SAMD3: variants seen among roughly 807,000 people sequenced by gnomAD.
SAMD3 encodes the protein sterile alpha motif domain containing 3, also known as sterile alpha motif domain-containing protein 3.
SAMD3 carries 63 observed loss-of-function variants against 58.5 expected under a neutral mutation model. The observed-to-expected ratio is 1.08, with a 90% CI of 0.88 to 1.33. SAMD3 has a LOEUF of 1.33. Among genes scored for constraint, SAMD3 ranks in the 40% most tolerant of loss-of-function variants. SAMD3 has a pLI of 0.00. For synonymous variants in SAMD3, 220 were observed against 210.3 expected (o/e 1.05, Z -0.40); for missense variants, 604 against 608.4 (o/e 0.99, Z 0.08).
intron 2 of SAMD3, among the ~76,000 whole-genome samples, chr6:130,279,964 C>A (rs1774925375): frequency 6.6e-6 from 1 of 152,134 alleles, no homozygotes; most frequent in Admixed American, 6.6e-5. Context: ...ATTTTTATTT[C>A]TTTCTCCCCT....
chr6:130,182,446 T>G (rs184064661), intron 7 of SAMD3, among the ~76,000 whole-genome samples: 11 of 152,234 alleles, frequency 7.2e-5, no homozygotes, highest in African/African-American at 2.6e-4. Flanking sequence ...AAAAAAACCT[T>G]TAATTACCTC....
intron 2 of SAMD3, among the ~76,000 whole-genome samples, chr6:130,272,203 T>C (rs1478569): frequency 0.31 from 47,052 of 151,886 alleles, 7,617 homozygotes; most frequent in East Asian, 0.47. Flanking sequence ...ATTTTTCAAA[T>C]GGCTGACCAT....
chr6:130,194,379 C>T (rs1414161638), intron 5 of SAMD3, among the ~76,000 whole-genome samples: 5 of 152,166 alleles, frequency 3.3e-5, no homozygotes, highest in African/African-American at 1.2e-4. Flanking sequence ...ATTTTATTAC[C>T]CAATCTGCTC....
intron 2 of SAMD3, among the ~76,000 whole-genome samples, chr6:130,303,117 C>T (rs146100448): frequency 1.0e-3 from 155 of 152,232 alleles, no homozygotes; most frequent in African/African-American, 3.6e-3. Context: ...CGACTGTGTG[C>T]CTGCCCTGGG....
chr6:130,167,745 C>G (rs769855090), intron 8 of SAMD3, among the ~76,000 whole-genome samples: 2 of 152,200 alleles, frequency 1.3e-5, no homozygotes, highest in Non-Finnish European at 2.9e-5. Context: ...GATGGCACAG[C>G]TGCTGCATTG....
rs146747794 is a variant in SAMD3 at position 130,260,380 on chromosome 6, C to G, written c.-187-37567G>C. 5.0e-3 allele frequency among the ~76,000 whole-genome samples: 758 copies of G among 152,316 alleles called. 8 individuals carry two copies. Among genetic ancestry groups the G allele is most frequent in the African/African-American group, 0.016 (645 of 41,570 alleles). ...ACTTCCTGGTCTGTTCTGTTTCACT[C>G]TGACCACCAGTGCATGCAGCCCCTG... On this transcript the variant is annotated intron_variant, in intron 2 of 13. Coordinates refer to the SAMD3 transcript ENST00000368134.
chr6:130,247,641 C>T (rs537412312), intron 2 of SAMD3, among the ~76,000 whole-genome samples: 85 of 152,136 alleles, frequency 5.6e-4, no homozygotes, highest in African/African-American at 1.9e-3. Flanking sequence ...CAGTGAACTA[C>T]CAAAATTTTG....
At chr6:130,266,434 A>G (rs988229860) in intron 2 of SAMD3, among the ~76,000 whole-genome samples, 3 of 152,168 alleles carry the variant, frequency 2.0e-5, no homozygotes, top group Admixed American at 6.5e-5. Context: ...TGTAGGTCCT[A>G]AAAGCCTCAA....
intron 2 of SAMD3, chr6:130,215,597 A>G (rs1795958336): frequency 3.7e-6 from 5 of 1,364,522 alleles, no homozygotes; most frequent in South Asian, 2.0e-5. Context: ...GGGACATACA[A>G]TGGTACCCAA....
At chr6:130,316,227 G>A (rs890923428) in intron 1 of SAMD3, among the ~76,000 whole-genome samples, 4 of 149,934 alleles carry the variant, frequency 2.7e-5, no homozygotes, top group African/African-American at 7.4e-5. Flanking sequence ...GGAGGCGGAG[G>A]TTGCAGTGAG....
chr6:130,264,144 A>G (rs1366815576), intron 2 of SAMD3, among the ~76,000 whole-genome samples: 14 of 152,072 alleles, frequency 9.2e-5, no homozygotes, highest in Non-Finnish European at 1.5e-5. Flanking sequence ...TCCCCCTCCC[A>G]CTAAGGTGGT....
chr6:130,250,391 T>C (rs1028055078), intron 2 of SAMD3, among the ~76,000 whole-genome samples: 56 of 152,160 alleles, frequency 3.7e-4, no homozygotes, highest in African/African-American at 1.3e-3. Context: ...CAGTTATGCC[T>C]ACTAAATAGT....
At chr6:130,265,580 T>C (rs2114928852) in intron 2 of SAMD3, among the ~76,000 whole-genome samples, 1 of 152,260 alleles carries the variant, frequency 6.6e-6, no homozygotes, top group African/African-American at 2.4e-5. Flanking sequence ...ATTATAAGTG[T>C]ACTGGAACCC....
intron 2 of SAMD3, among the ~76,000 whole-genome samples, chr6:130,305,754 A>T (rs73609166): frequency 0.02 from 2,972 of 152,368 alleles, 52 homozygotes; most frequent in African/African-American, 0.045. Flanking sequence ...AATAAATACA[A>T]CTTGGCAATC....
At chr6:130,307,738 G>T (rs1775956234) in intron 2 of SAMD3, among the ~76,000 whole-genome samples, 1 of 152,140 alleles carries the variant, frequency 6.6e-6, no homozygotes, top group South Asian at 2.1e-4. Context: ...AAAAGCTTTG[G>T]TTACAAAATG....
chr6:130,329,487 C>A (rs932641808), intron 1 of SAMD3, among the ~76,000 whole-genome samples: 6 of 152,034 alleles, frequency 3.9e-5, no homozygotes, highest in African/African-American at 1.4e-4. Context: ...TTATTTCAAC[C>A]ATTGTGGAAG....
At chr6:130,321,189 C>G (rs376127910) in intron 1 of SAMD3, among the ~76,000 whole-genome samples, 15 of 152,330 alleles carry the variant, frequency 9.8e-5, no homozygotes, top group African/African-American at 3.6e-4. Flanking sequence ...ATCTTTCATG[C>G]TCTGTACCAG....
intron 5 of SAMD3, among the ~76,000 whole-genome samples, chr6:130,206,594 AAGGC>A (rs1795101320): frequency 1.3e-5 from 2 of 152,200 alleles, no homozygotes; most frequent in Admixed American, 6.5e-5. Context: ...AATATATACT[AAGGC>A]AGGACAGATA....
At chr6:130,210,430 C>A (rs1795437921) in intron 4 of SAMD3, among the ~76,000 whole-genome samples, 1 of 151,942 alleles carries the variant, frequency 6.6e-6, no homozygotes, top group Admixed American at 6.6e-5. Context: ...AAAACCCTGT[C>A]TTTACTGAAA....
Sources: allele counts gnomAD v4.1 joint callset (sites outside exome capture counted in the v4.1 genomes callset), GRCh38; gene constraint gnomAD v4.1.1; transcripts MANE v1.5; gene names NCBI Gene and HGNC (gene_info 2026-07-23, HGNC 2026-07-21).